The following HIVEP3 variants were observed in gnomAD, a reference collection of about 807,000 sequenced individuals.
HIVEP3 encodes HIVEP zinc finger 3, also known as transcription factor HIVEP3.
In HIVEP3, 49 loss-of-function variants were observed where a neutral mutation model predicts 152.8. The ratio of observed to expected loss-of-function variants is 0.32; its 90% CI spans 0.26 to 0.41. The LOEUF is 0.41. HIVEP3 is among the 10% of genes least tolerant of loss of function. The pLI is 1.00. For missense variants in HIVEP3, 2,790 were observed against 3,103.3 expected, an observed-to-expected ratio of 0.90 and a Z score of 2.40; for synonymous variants, 1,269 against 1,289.0, an observed-to-expected ratio of 0.98 and a Z score of 0.33.
At chr1:41,792,736 A>G (rs1277805931) in intron 1 of HIVEP3, among the ~76,000 whole-genome samples, 1 of 152,192 alleles carries the variant, frequency 6.6e-6, no homozygotes, top group Non-Finnish European at 1.5e-5. Flanking sequence ...TTCCATGGCC[A>G]CTCAAACATA....
intron 1 of HIVEP3, among the ~76,000 whole-genome samples, chr1:42,034,610 C>G (rs1645630770): frequency 6.6e-6 from 1 of 152,168 alleles, no homozygotes; most frequent in South Asian, 2.1e-4. Flanking sequence ...AGCAAGAGGT[C>G]TTCAGACTAA....
At chr1:41,957,508 A>G (rs114025878) in intron 1 of HIVEP3, among the ~76,000 whole-genome samples, 3 of 152,328 alleles carry the variant, frequency 2.0e-5, no homozygotes, top group East Asian at 1.9e-4. Flanking sequence ...TTCTGAGCCA[A>G]TCATGCCCTT....
intron 1 of HIVEP3, among the ~76,000 whole-genome samples, chr1:41,834,384 GC>G (rs1643061037): frequency 6.6e-6 from 1 of 152,178 alleles, no homozygotes; most frequent in Admixed American, 6.5e-5. Flanking sequence ...CTGTCTGGCT[GC>G]CCCTTACCTT....
At chr1:41,567,102 C>T (rs1644175450) in intron 5 of HIVEP3, among the ~76,000 whole-genome samples, 1 of 152,188 alleles carries the variant, frequency 6.6e-6, no homozygotes, top group Non-Finnish European at 1.5e-5. Flanking sequence ...TTTTGATCTC[C>T]CTGTCCCCAG....
chr1:41,998,137 T>TA lies in HIVEP3; in HGVS notation n.119+37669dup, dbSNP rs202062347. On this transcript the variant is annotated intron_variant and non_coding_transcript_variant, in intron 1 of 3. Transcript: ENST00000489103. ...CTTAGAGTGTTAAAAGTCTGTCTGT[T>TA]AAAAAAAAAGATTAACAAGGGGATA... Among the ~76,000 whole-genome samples, 222 of 151,070 alleles carry TA rather than the reference T, an allele frequency of 1.5e-3. 1 individual carries two copies. The highest frequency in any genetic ancestry group is 2.6e-3 in the Non-Finnish European group (178 of 67,692).
chr1:41,698,829 C>G (rs1646317026), intron 2 of HIVEP3, among the ~76,000 whole-genome samples: 1 of 152,126 alleles, frequency 6.6e-6, no homozygotes, highest in Admixed American at 6.5e-5. Flanking sequence ...TTGTTTCTGC[C>G]CTGGGCCTGT....
Position 41,584,213 on chromosome 1 carries a change from C to T in HIVEP3, c.585G>A (p.Gln195=). 1 of 1,614,160 alleles carries T rather than the reference C, an allele frequency of 6.2e-7. No homozygotes were observed. Among genetic ancestry groups the T allele is most frequent in the Non-Finnish European group, 8.5e-7 (1 of 1,180,022 alleles). The change falls in exon 4 of 9, where the codon CAG becomes CAA. Residue 195 remains glutamine, a synonymous_variant. Coordinates refer to ENST00000372583, the MANE Select transcript of HIVEP3 (RefSeq NM_024503.5). The surrounding 1 kb of genome is among the most constrained non-coding windows in gnomAD (Gnocchi z 5.2). ...KPQKPGKYIC[Q]YCSRPCAKPS... is the part of the protein sequence containing the mutation. ...GCTTGGCACAGGGCCGGCTGCAGTA[C>T]TGGCAGATGTACTTGCCTGGCTTCT...
chr1:41,583,875 G>A lies in HIVEP3; in HGVS notation c.923C>T (p.Ser308Phe). Residue 308 changes from serine (S) to phenylalanine (F), a missense_variant, in exon 4 of 9, where the codon TCC becomes TTC. Coordinates refer to ENST00000372583, the MANE Select transcript of HIVEP3 (RefSeq NM_024503.5). This position sits in a 1 kb window ranked among gnomAD's most constrained non-coding sequence, Gnocchi z 6.9. ...GCTCCCAGAGCTGTATAGCCCGCTG[G>A]AGAGAAGGGGCTGCTTGGGTCTTGG... Reference protein sequence around the residue: ...LSPRPKQPLLSSGLYSSGSHS... With the variant: ...LSPRPKQPLLFSGLYSSGSHS... The A allele has an allele frequency of 1.2e-6, 2 of 1,613,822 alleles. No homozygotes were observed. Among genetic ancestry groups the A allele is most frequent in the Non-Finnish European group, 1.7e-6 (2 of 1,179,852 alleles).
At chr1:41,777,173 C>A (rs192735755) in intron 1 of HIVEP3, among the ~76,000 whole-genome samples, 63 of 152,324 alleles carry the variant, frequency 4.1e-4, no homozygotes, top group Admixed American at 1.4e-3. Context: ...CTCCCAGAGG[C>A]TCTCCTTGGC....
chr1:41,511,738 A>T lies in HIVEP3; in HGVS notation c.6406-472T>A, dbSNP rs149627733. Among the ~76,000 whole-genome samples, 81 of 152,286 alleles carry T rather than the reference A, an allele frequency of 5.3e-4. No individual in the cohort carries two copies. The highest frequency in any genetic ancestry group is 1.8e-3 in the African/African-American group (75 of 41,548). On this transcript the variant is annotated intron_variant, in intron 8 of 8. Coordinates refer to ENST00000372583, the MANE Select transcript of HIVEP3 (RefSeq NM_024503.5). This position sits in a 1 kb window ranked among gnomAD's most constrained non-coding sequence, Gnocchi z 4.9. ...ACCCAAAATTAAAAATCAAGGAAAG[A>T]TTCCTAGATCAGTGTTCCTCCAGGA...
chr1:41,697,524 G>A (rs1235056003), intron 2 of HIVEP3, among the ~76,000 whole-genome samples: 1 of 152,218 alleles, frequency 6.6e-6, no homozygotes, highest in Non-Finnish European at 1.5e-5. Flanking sequence ...AAATCATGAT[G>A]TGGGGGCACA....
chr1:41,593,369 T>C (rs1318291144), intron 3 of HIVEP3, among the ~76,000 whole-genome samples: 1 of 152,226 alleles, frequency 6.6e-6, no homozygotes, highest in Non-Finnish European at 1.5e-5. Flanking sequence ...CTCTTTCTTT[T>C]TGCGGGCAGC....
intron 1 of HIVEP3, among the ~76,000 whole-genome samples, chr1:41,716,777 C>T (rs1183972049): frequency 6.6e-6 from 1 of 152,134 alleles, no homozygotes; most frequent in African/African-American, 2.4e-5. Flanking sequence ...CAGTAACAAG[C>T]CGTGGGGAGC....
intron 3 of HIVEP3, among the ~76,000 whole-genome samples, chr1:41,604,113 T>C (rs1386078183): frequency 1.3e-5 from 2 of 152,188 alleles, no homozygotes; most frequent in Admixed American, 6.5e-5. Context: ...ATTTGGACAA[T>C]TGATTGGCAA....
intron 1 of HIVEP3, among the ~76,000 whole-genome samples, chr1:41,844,463 C>T (rs1643378719): frequency 6.6e-6 from 1 of 152,216 alleles, no homozygotes; most frequent in Admixed American, 6.5e-5. Context: ...CTTCTCCTCC[C>T]CAGCAGTATC....
At chr1:41,731,589 CTT>C (rs1414559223) in intron 1 of HIVEP3, among the ~76,000 whole-genome samples, 1 of 152,202 alleles carries the variant, frequency 6.6e-6, no homozygotes. Flanking sequence ...CTTGCTCTCT[CTT>C]GGACCCCAGT....
At chr1:41,790,490 A>C (rs1214375710) in intron 1 of HIVEP3, among the ~76,000 whole-genome samples, 1 of 152,188 alleles carries the variant, frequency 6.6e-6, no homozygotes, top group Non-Finnish European at 1.5e-5. Context: ...ACAGATTAAC[A>C]CACCATGTAA....
intron 5 of HIVEP3, among the ~76,000 whole-genome samples, chr1:41,536,039 C>A (rs1464186472): frequency 6.6e-6 from 1 of 152,076 alleles, no homozygotes; most frequent in Non-Finnish European, 1.5e-5. Context: ...CGGCACAGAG[C>A]CCCCAAAGGA....
At chr1:41,528,891 TCACTC>T (rs1399549968) in intron 5 of HIVEP3, among the ~76,000 whole-genome samples, 1 of 92,916 alleles carries the variant, frequency 1.1e-5, no homozygotes, top group Non-Finnish European at 2.2e-5. Context: ...CCTCACACCT[TCACTC>T]CACACCCCGC....
Sources: allele counts gnomAD v4.1 joint callset (sites outside exome capture counted in the v4.1 genomes callset), GRCh38; gene constraint gnomAD v4.1.1; non-coding constraint Gnocchi (gnomAD v3.1); transcripts MANE v1.5; gene names NCBI Gene and HGNC (gene_info 2026-07-23, HGNC 2026-07-21).